The following NBPF26 variants were observed in gnomAD, a reference collection of about 807,000 sequenced individuals.
NBPF26 encodes the protein NBPF member 26, also known as NBPF family member NBPF26.
A neutral mutation model predicts 119.6 loss-of-function variants in NBPF26; 79 were observed. The ratio of observed to expected loss-of-function variants is 0.66; its 90% CI spans 0.55 to 0.80. The LOEUF (loss-of-function observed/expected upper bound fraction) is 0.80. NBPF26 is among the 30% of genes least tolerant of loss of function. The pLI is 0.00. For missense variants in NBPF26, 800 were observed against 1,198.2 expected, an observed-to-expected ratio of 0.67 and a Z score of 4.91; for synonymous variants, 299 against 457.7, an observed-to-expected ratio of 0.65 and a Z score of 4.43.
At position 120,724,254 on chromosome 1, in the gene NBPF26, A is replaced by T; in HGVS notation, c.73+4A>T. ...TGCTGGGCGGCCCCCGCGCATGGTG[A>T]GTATCGGGCTGAGGGGCGCTGTCCG... On this transcript the variant is annotated splice_donor_region_variant and intron_variant, in intron 1 of 29. Coordinates refer to ENST00000620612, the Ensembl canonical transcript of NBPF26. 1 of 1,396,928 alleles carries T rather than the reference A, an allele frequency of 7.2e-7. No individual in the cohort carries two copies. The highest frequency in any genetic ancestry group is 2.1e-5 in the Admixed American group (1 of 47,024). The allele number at this position is 1,396,928 out of a possible 1,614,324, so 86.5% of individuals were successfully genotyped here.
At chr1:120,728,164 T>C (rs1273222010) in intron 1 of NBPF26, among the ~76,000 whole-genome samples, 3 of 111,488 alleles carry the variant, frequency 2.7e-5, no homozygotes, top group Admixed American at 2.6e-4. Context: ...TGTTAATGCG[T>C]ACATGAGGAA....
rs1212617658 is a variant in NBPF26 at position 120,784,055 on chromosome 1, G to T, written c.156-919G>T. 3.0e-4 allele frequency among the ~76,000 whole-genome samples: 35 copies of T among 115,940 alleles called. 14 individuals carry two copies. Among genetic ancestry groups the T allele is most frequent in the African/African-American group, 1.7e-3 (33 of 19,716 alleles). The allele number at this position is 115,940 out of a possible 152,430, so 76.1% of individuals were successfully genotyped here. A position where few individuals can be genotyped will look rare whatever the true frequency, so the allele number is the denominator to read the frequency against. On this transcript the variant is annotated intron_variant, in intron 2 of 29. Coordinates refer to ENST00000620612, the Ensembl canonical transcript of NBPF26. The stretch of plus-strand genomic sequence containing the variant: ...AAGAAAGAGAAATATCTGAAATTAG[G>T]CTACAGTCATAGAAGGTTAGCTGTG...
chr1:120,805,667 C>A lies in NBPF26; in HGVS notation c.863C>A (p.Pro288His). The change falls in exon 5 of 30, where the codon CCC (proline) becomes CAC (histidine). Residue 288 changes from proline (P) to histidine (H), a missense_variant. By Grantham distance (77) the Pro-to-His change is moderately conservative. Transcript: ENST00000620612. The stretch of plus-strand genomic sequence containing the variant: ...CTAGAAATCAACGAGACATTGCGCC[C>A]CCAGCTGCCAGAGAACAAACAGCAG... 1.4e-6 allele frequency: 2 copies of A among 1,457,974 alleles called. 1 individual carries two copies. The highest frequency in any genetic ancestry group is 1.9e-6 in the Non-Finnish European group (2 of 1,079,020). The allele number at this position is 1,457,974 out of a possible 1,614,324, so 90.3% of individuals were successfully genotyped here. A position where few individuals can be genotyped will look rare whatever the true frequency, so the allele number is the denominator to read the frequency against.
chr1:120,810,276 G>A lies in NBPF26; in HGVS notation c.1353-71G>A, dbSNP rs1417732125. 2.9e-4 allele frequency: 421 copies of A among 1,460,946 alleles called. No homozygotes were observed. In the South Asian group the frequency reaches 4.5e-3, roughly 16 times the overall value. The allele number at this position is 1,460,946 out of a possible 1,614,324, so 90.5% of individuals were successfully genotyped here. A position where few individuals can be genotyped will look rare whatever the true frequency, so the allele number is the denominator to read the frequency against. On this transcript the variant is annotated intron_variant, in intron 8 of 29. Transcript: ENST00000620612. The stretch of plus-strand genomic sequence containing the variant: ...CTCTTAATGCCGCCTGTCAAAACCA[G>A]CTAGGACTCCATGGGGTCCAATCCC...
rs1314513778 is a variant in NBPF26, at chr1:120,793,514, G to T, written c.751+18G>T. 1.0e-5 allele frequency: 12 copies of T among 1,180,382 alleles called. 2 individuals are homozygous for T. The East Asian group carries it at 2.7e-4, about 26-fold the overall frequency. 73.1% of individuals were successfully genotyped at this position (1,180,382 alleles called of 1,614,324 possible). On this transcript the variant is annotated intron_variant, in intron 4 of 29. Coordinates refer to ENST00000620612, the Ensembl canonical transcript of NBPF26. ...CCTTCCAGGTAAGGAGCTCCCTAGT[G>T]TCCCAGGATTAGGGGACAAACCCCT...
Position 120,793,295 on chromosome 1 carries a change from A to T in NBPF26, c.550A>T (p.Asn184Tyr). 5.0e-6 allele frequency: 7 copies of T among 1,397,708 alleles called. 2 individuals are homozygous for T. Among genetic ancestry groups the T allele is most frequent in the Non-Finnish European group, 6.7e-6 (7 of 1,040,400 alleles). 86.6% of individuals were successfully genotyped at this position (1,397,708 alleles called of 1,614,324 possible). A position where few individuals can be genotyped will look rare whatever the true frequency, so the allele number is the denominator to read the frequency against. ...AGGGCAGAAGTGTGAGACTGATGTC[A>T]ATGAGTGTGACATTCCAGGACACTG... The change falls in exon 4 of 30, where the codon AAT becomes TAT. Residue 184 changes from asparagine (N) to tyrosine (Y), a missense_variant. By Grantham distance (143) the Asn-to-Tyr change is moderately radical. Transcript: ENST00000620612.
At chr1:120,750,432 A>G (rs1440348765) in intron 1 of NBPF26, among the ~76,000 whole-genome samples, 3 of 97,858 alleles carry the variant, frequency 3.1e-5, no homozygotes, top group African/African-American at 1.4e-4. Flanking sequence ...AGGAATGTAG[A>G]TGGAAATCAG....
chr1:120,767,957 G>A (rs1231633017), intron 2 of NBPF26, among the ~76,000 whole-genome samples: 2 of 117,422 alleles, frequency 1.7e-5, no homozygotes, highest in Non-Finnish European at 3.3e-5. Flanking sequence ...TCTATCAACT[G>A]CTCCTTCTTT....
In NBPF26 at chr1:120,811,539, C is replaced by T. The variant is rs1186908121; in HGVS notation, c.1565-347C>T. Among the ~76,000 whole-genome samples the T allele has an allele frequency of 6.2e-5, 7 of 112,618 alleles. 1 individual carries two copies. The highest frequency in any genetic ancestry group is 2.1e-4 in the East Asian group (1 of 4,798). 73.9% of individuals were successfully genotyped at this position (112,618 alleles called of 152,430 possible). On this transcript the variant is annotated intron_variant, in intron 9 of 29. Coordinates refer to ENST00000620612, the Ensembl canonical transcript of NBPF26. ...CAGCCTGCGCGACAGAGTGAGACTC[C>T]GTCTCAAACAAAAAAACCAAAAAAG...
At chr1:120,805,756 A>G in exon 5 of NBPF26, 2 of 1,414,418 alleles carry the variant, frequency 1.4e-6, no homozygotes. Context: ...CAACCGACAG[A>G]AGAAATACAG....
chr1:120,817,414 G>GTTTT (rs1652033534), intron 14 of NBPF26, among the ~76,000 whole-genome samples: 5 of 6,530 alleles, frequency 7.7e-4, no homozygotes, highest in Admixed American at 2.1e-3. Flanking sequence ...TAGCATCGTG[G>GTTTT]ATTTTTTTTT....
chr1:120,807,107 G>T (rs1440525186), intron 5 of NBPF26, among the ~76,000 whole-genome samples: 1 of 130,764 alleles, frequency 7.6e-6, no homozygotes, highest in East Asian at 2.0e-4. Flanking sequence ...CTTCAGATAT[G>T]ATTCTTAAAA....
chr1:120,838,508 CTGTG>C (rs1221513620), intron 27 of NBPF26, among the ~76,000 whole-genome samples: 46 of 66,508 alleles, frequency 6.9e-4, no homozygotes, highest in African/African-American at 1.6e-3. Flanking sequence ...CTCTCTCTCT[CTGTG>C]TGTGTGTGTG....
intron 2 of NBPF26, among the ~76,000 whole-genome samples, chr1:120,784,736 G>T (rs1651402406): frequency 8.5e-6 from 1 of 117,734 alleles, no homozygotes; most frequent in South Asian, 2.5e-4. Flanking sequence ...TCAGCTATTA[G>T]AATGTAAACT....
intron 14 of NBPF26, 65 bp from the exon 15 acceptor site, chr1:120,818,058 G>C (rs1652048188): frequency 3.9e-6 from 2 of 516,804 alleles, no homozygotes; most frequent in Non-Finnish European, 3.3e-6. Flanking sequence ...TGACTGGACA[G>C]TGATTTGTTC....
At chr1:120,752,572 TTTC>T (rs1557981305) in intron 1 of NBPF26, among the ~76,000 whole-genome samples, 6 of 36,246 alleles carry the variant, frequency 1.7e-4, no homozygotes, top group Admixed American at 3.1e-4. Flanking sequence ...TTTTTTTTTT[TTTC>T]TTTTTTTTTT....
At chr1:120,745,165 CCTGT>C (rs1260347622) in intron 1 of NBPF26, among the ~76,000 whole-genome samples, 1 of 106,328 alleles carries the variant, frequency 9.4e-6, no homozygotes, top group Admixed American at 9.1e-5. Flanking sequence ...TGGTATTGGG[CCTGT>C]CTAATTGCAA....
chr1:120,754,299 G>C (rs1181389889), intron 1 of NBPF26, among the ~76,000 whole-genome samples: 1 of 35,258 alleles, frequency 2.8e-5, no homozygotes, highest in Non-Finnish European at 4.8e-5. Flanking sequence ...TACAGATAGT[G>C]GAACAGAACA....
intron 9 of NBPF26, among the ~76,000 whole-genome samples, chr1:120,810,818 G>GT (rs1386011861): frequency 9.1e-6 from 1 of 110,372 alleles, no homozygotes; most frequent in Non-Finnish European, 1.7e-5. Context: ...GGCAGGCATG[G>GT]TGCTGCATGC....
Sources: allele counts gnomAD v4.1 joint callset (sites outside exome capture counted in the v4.1 genomes callset), GRCh38; gene constraint gnomAD v4.1.1; transcripts MANE v1.5; gene names NCBI Gene and HGNC (gene_info 2026-07-23, HGNC 2026-07-21).